The following COG5 variants were observed in gnomAD, a reference collection of about 807,000 sequenced individuals.
The protein encoded by COG5 is conserved oligomeric Golgi complex subunit 5.
In COG5, 86 loss-of-function variants were observed where a neutral mutation model predicts 110.4. The observed-to-expected ratio is 0.78, with a 90% CI of 0.65 to 0.93. The LOEUF is 0.93. COG5 is among the 40% of genes least tolerant of loss of function. The probability of loss-of-function intolerance (pLI) is 0.00; values close to 1 mark genes in which losing one functional copy is unlikely to be tolerated. For missense variants in COG5, 1,077 were observed against 987.0 expected, an observed-to-expected ratio of 1.09 and a Z score of -1.22; for synonymous variants, 360 against 334.6, an observed-to-expected ratio of 1.08 and a Z score of -0.83.
intron 5 of COG5, among the ~76,000 whole-genome samples, chr7:107,529,024 T>TAAAAAAATAA (rs1554457475): frequency 4.1e-5 from 4 of 97,844 alleles, no homozygotes; most frequent in African/African-American, 1.5e-4. Flanking sequence ...AATACTTAAA[T>TAAAAAAATAA]AAAAAAAAAA....
Position 107,527,301 on chromosome 7 carries a change from G to T in COG5, c.474C>A (p.Leu158=). Residue 158 remains leucine (L), a synonymous_variant, in exon 6 of 22, where the codon CTC becomes CTA. Transcript: ENST00000297135. ...TACTTCCCCCTTGCAGTTGTCCTTG[G>T]AGTCTCTTACTGAGATTCAAGATAC... ...IIRILNLSKR[L]QGQLQGGSRE... The T allele has an allele frequency of 6.2e-7, 1 of 1,612,710 alleles. No individual in the cohort carries two copies. Among genetic ancestry groups the T allele is most frequent in the Non-Finnish European group, 8.5e-7 (1 of 1,179,546 alleles).
chr7:107,425,541 T>C (rs1793589344), intron 6 of COG5, among the ~76,000 whole-genome samples: 1 of 151,648 alleles, frequency 6.6e-6, no homozygotes, highest in African/African-American at 2.4e-5. Context: ...TATATAGGTA[T>C]TATGAGAGTC....
At chr7:107,283,279 C>T (rs746186369) in intron 13 of COG5, among the ~76,000 whole-genome samples, 8 of 152,008 alleles carry the variant, frequency 5.3e-5, no homozygotes, top group Admixed American at 2.0e-4. Flanking sequence ...TCTTGTGTAA[C>T]GTAAGAAATT....
intron 19 of COG5, among the ~76,000 whole-genome samples, chr7:107,224,553 G>A (rs1428774800): frequency 6.6e-6 from 1 of 152,210 alleles, no homozygotes; most frequent in Non-Finnish European, 1.5e-5. Context: ...CAGGAGCAAA[G>A]GTGGTGAGGC....
At chr7:107,553,225 C>A (rs1030235018) in intron 3 of COG5, among the ~76,000 whole-genome samples, 2 of 152,076 alleles carry the variant, frequency 1.3e-5, no homozygotes, top group Non-Finnish European at 2.9e-5. Context: ...CACATATACC[C>A]CCCCGGATCT....
chr7:107,446,957 C>T (rs79796565), intron 6 of COG5, among the ~76,000 whole-genome samples: 2,725 of 152,276 alleles, frequency 0.018, 76 homozygotes, highest in African/African-American at 0.061. Context: ...GTCCAGTGGG[C>T]TCAATTGGCT....
intron 6 of COG5, among the ~76,000 whole-genome samples, chr7:107,453,354 G>A (rs752669878): frequency 6.6e-6 from 1 of 152,160 alleles, no homozygotes; most frequent in Non-Finnish European, 1.5e-5. Context: ...TATTAATAAT[G>A]AGAATCTGAG....
At chr7:107,336,582 T>A (rs918231648) in intron 10 of COG5, among the ~76,000 whole-genome samples, 1 of 152,220 alleles carries the variant, frequency 6.6e-6, no homozygotes, top group Admixed American at 6.5e-5. Context: ...GTGATGGATA[T>A]CCCAATTACC....
intron 10 of COG5, among the ~76,000 whole-genome samples, chr7:107,343,627 G>A (rs1811353481): frequency 6.6e-6 from 1 of 152,192 alleles, no homozygotes; most frequent in Admixed American, 6.5e-5. Context: ...ATTGCAGCGA[G>A]CTGACGTCGC....
chr7:107,481,613 T>C (rs1333389419), intron 6 of COG5, among the ~76,000 whole-genome samples: 1 of 152,138 alleles, frequency 6.6e-6, no homozygotes, highest in East Asian at 1.9e-4. Flanking sequence ...CAAAGATATA[T>C]ATTTCATCCA....
chr7:107,434,008 G>C (rs754569017), intron 6 of COG5, among the ~76,000 whole-genome samples: 15 of 152,068 alleles, frequency 9.9e-5, no homozygotes, highest in Non-Finnish European at 1.8e-4. Flanking sequence ...AATATAAATA[G>C]ACATTTCTCT....
At chr7:107,411,270 T>G (rs1477878473) in intron 7 of COG5, among the ~76,000 whole-genome samples, 2 of 152,202 alleles carry the variant, frequency 1.3e-5, no homozygotes, top group South Asian at 4.1e-4. Flanking sequence ...GCAAAATGTT[T>G]GATTAATAGA....
intron 11 of COG5, among the ~76,000 whole-genome samples, chr7:107,312,833 A>AGGTCCTCGGCAGAAGCC (rs537046111): frequency 6.8e-6 from 1 of 146,238 alleles, no homozygotes; most frequent in Non-Finnish European, 1.5e-5. Flanking sequence ...TGGCAGAAGC[A>AGGTCCTCGGCAGAAGCC]GAGGACCTCG....
chr7:107,351,613 G>GA (rs573112798), intron 10 of COG5, among the ~76,000 whole-genome samples: 4 of 151,238 alleles, frequency 2.6e-5, no homozygotes, highest in African/African-American at 7.3e-5. Context: ...AAATTTACAA[G>GA]AAAAAAAACA....
Position 107,412,652 on chromosome 7 carries a change from A to T in COG5, c.539-20T>A. Reference sequence around the variant, plus strand: ...GATAATCTGTTTAAAACAAAAACATACACATTCAAATATTTCAATACTGAA... The same window carrying T: ...GATAATCTGTTTAAAACAAAAACATTCACATTCAAATATTTCAATACTGAA... On this transcript the variant is annotated intron_variant, in intron 6 of 21. Coordinates refer to ENST00000297135, the MANE Select transcript of COG5 (RefSeq NM_006348.5). The T allele has an allele frequency of 7.2e-7, 1 of 1,386,674 alleles. No individual in the cohort carries two copies. Among genetic ancestry groups the T allele is most frequent in the Non-Finnish European group, 1.0e-6 (1 of 981,384 alleles). The allele number at this position is 1,386,674 out of a possible 1,614,324, so 85.9% of individuals were successfully genotyped here.
intron 6 of COG5, among the ~76,000 whole-genome samples, chr7:107,437,677 T>A (rs1309768734): frequency 6.6e-6 from 1 of 152,172 alleles, no homozygotes; most frequent in African/African-American, 2.4e-5. Context: ...TATATTTAGA[T>A]GCACATATTA....
intron 7 of COG5, among the ~76,000 whole-genome samples, chr7:107,410,895 G>A (rs987821913): frequency 2.6e-5 from 4 of 152,190 alleles, no homozygotes; most frequent in Non-Finnish European, 5.9e-5. Context: ...CGTTGATAAG[G>A]AGGGAAAGAT....
chr7:107,435,495 A>G (rs942482639), intron 6 of COG5, among the ~76,000 whole-genome samples: 2 of 152,104 alleles, frequency 1.3e-5, no homozygotes, highest in Non-Finnish European at 1.5e-5. Flanking sequence ...TCTACTAAAA[A>G]TACAAAAATT....
chr7:107,420,918 T>G (rs1793242293), intron 6 of COG5, among the ~76,000 whole-genome samples: 2 of 152,212 alleles, frequency 1.3e-5, no homozygotes, highest in South Asian at 4.1e-4. Flanking sequence ...TCTTCAAAGC[T>G]TCATGGAAAT....
Sources: gnomAD v4.1 joint callset for allele counts (sites outside exome capture counted in the v4.1 genomes callset) on GRCh38, gnomAD v4.1.1 for gene constraint, MANE v1.5 for transcripts, NCBI Gene and HGNC (gene_info 2026-07-23, HGNC 2026-07-21) for gene names.